Variants in MDH1B observed in about 807,000 individuals in gnomAD.
MDH1B encodes putative malate dehydrogenase 1B.
A neutral mutation model predicts 61.4 loss-of-function variants in MDH1B; 60 were observed. The observed-to-expected ratio is 0.98, with a 90% CI of 0.79 to 1.21. The LOEUF (loss-of-function observed/expected upper bound fraction) is 1.21. Ranked by LOEUF, MDH1B falls within the 50% of genes most tolerant of loss-of-function variation. The pLI, the probability that MDH1B is intolerant of heterozygous loss-of-function variation, is 0.00. For missense variants in MDH1B, 587 were observed against 632.1 expected, an observed-to-expected ratio of 0.93 and a Z score of 0.76; for synonymous variants, 236 against 218.7, an observed-to-expected ratio of 1.08 and a Z score of -0.70.
chr2:206,756,591 A>T, intron 4 of MDH1B: 1 of 284,142 alleles, frequency 3.5e-6, no homozygotes, highest in Non-Finnish European at 6.6e-6. Flanking sequence ...AGCACGTGGG[A>T]AAGAGGGAGA....
chr2:206,751,848 T>C (rs913101805), intron 5 of MDH1B, among the ~76,000 whole-genome samples: 1 of 152,214 alleles, frequency 6.6e-6, no homozygotes, highest in African/African-American at 2.4e-5. Flanking sequence ...AAACTTTAAA[T>C]AAATAATTTT....
intron 5 of MDH1B, among the ~76,000 whole-genome samples, chr2:206,752,261 C>T (rs1289898587): frequency 6.6e-6 from 1 of 152,174 alleles, no homozygotes; most frequent in African/African-American, 2.4e-5. Context: ...GTGAAATATT[C>T]TTCCCAGGGG....
chr2:206,750,827 A>T lies in MDH1B; in HGVS notation c.1052+107T>A, dbSNP rs181941447. On this transcript the variant is annotated intron_variant, in intron 6 of 11. Transcript: ENST00000374412. ...GCATGAACAAATATGAGTGTGAACA[A>T]TGCAAGTTATTTTTGTACAAAGATT... 1,125 of 983,942 alleles carry T rather than the reference A, an allele frequency of 1.1e-3. 2 individuals carry two copies. Among genetic ancestry groups the T allele is most frequent in the Non-Finnish European group, 1.2e-3 (875 of 719,224 alleles). The allele number at this position is 983,942 out of a possible 1,614,324, so 61.0% of individuals were successfully genotyped here.
At chr2:206,738,651 A>G in intron 11 of MDH1B, 140 bp from the exon 12 acceptor site, 2 of 547,224 alleles carry the variant, frequency 3.7e-6, no homozygotes, top group East Asian at 6.1e-5. Flanking sequence ...GAGTGATTCT[A>G]TGGGGAAATA....
chr2:206,752,871 T>C (rs996008276), intron 5 of MDH1B, among the ~76,000 whole-genome samples: 1 of 151,672 alleles, frequency 6.6e-6, no homozygotes, highest in African/African-American at 2.4e-5. Flanking sequence ...TCCCTATCTG[T>C]CGGGTGGGAC....
At position 206,741,101 on chromosome 2, in the gene MDH1B, T is replaced by C. The variant is rs758836144; in HGVS notation, c.1412A>G (p.His471Arg). The C allele has an allele frequency of 4.3e-6, 7 of 1,612,620 alleles. No individual in the cohort carries two copies. Among genetic ancestry groups the C allele is most frequent in the Non-Finnish European group, 5.9e-6 (7 of 1,179,088 alleles). Residue 471 changes from histidine to arginine, a missense_variant, in exon 10 of 12, where the codon CAT becomes CGT. By Grantham distance (29) the His-to-Arg change is conservative. Transcript: ENST00000374412. ...KIHFQPYQSG[H>R]KDLVPDEEKN... ...TTCTTCATCAGGGACCAGATCTTTATGTCCTGAAATCAAAATTAAATAAAA... is the reference window on the plus strand; with the variant it reads ...TTCTTCATCAGGGACCAGATCTTTACGTCCTGAAATCAAAATTAAATAAAA...
intron 9 of MDH1B, among the ~76,000 whole-genome samples, chr2:206,744,273 G>A (rs1443327236): frequency 2.0e-5 from 3 of 152,192 alleles, no homozygotes; most frequent in Non-Finnish European, 4.4e-5. Flanking sequence ...CCTCTTGATG[G>A]ACTGCAGGTT....
At chr2:206,757,162 GA>G in intron 3 of MDH1B, 74 bp downstream of exon 3, 1 of 1,530,626 alleles carries the variant, frequency 6.5e-7, no homozygotes, top group South Asian at 1.2e-5. Context: ...GAATGTCTCA[GA>G]AAGCAAGATA....
In MDH1B at chr2:206,756,973, C is replaced by A. The variant is rs779016399; in HGVS notation, c.338G>T (p.Gly113Val). 1.2e-5 allele frequency: 20 copies of A among 1,613,990 alleles called. No individual in the cohort carries two copies. The highest frequency in any genetic ancestry group is 1.7e-5 in the Non-Finnish European group (20 of 1,179,970). ...CTCCTGCTCTTTTTCTATATGTGCC[C>A]CCAGGTTCTCTTGAGCAATTACCAT... is the stretch of plus-strand genomic sequence containing the variant. ...LMMVIAQENL[G>V]AHIEKEQEEE... The change falls in exon 4 of 12, where the codon GGG becomes GTG. Residue 113 changes from glycine (G) to valine (V), a missense_variant. By Grantham distance (109) the Gly-to-Val change is moderately radical. Transcript: ENST00000374412.
At chr2:206,761,070 T>A in intron 1 of MDH1B, 57 bp from the exon 2 acceptor site, 1 of 899,350 alleles carries the variant, frequency 1.1e-6, no homozygotes, top group Non-Finnish European at 1.8e-6. Flanking sequence ...TATTATGTAG[T>A]TCTAAGTATT....
At chr2:206,747,353 A>T (rs1395948325) in intron 7 of MDH1B, among the ~76,000 whole-genome samples, 1 of 152,192 alleles carries the variant, frequency 6.6e-6, no homozygotes, top group Non-Finnish European at 1.5e-5. Flanking sequence ...AGAGACAGAT[A>T]ATGATCATTT....
chr2:206,747,713 A>G (rs1688197960), intron 7 of MDH1B, among the ~76,000 whole-genome samples: 1 of 152,222 alleles, frequency 6.6e-6, no homozygotes, highest in Non-Finnish European at 1.5e-5. Flanking sequence ...ACAAAATGCT[A>G]TGTGGGGATA....
intron 9 of MDH1B, among the ~76,000 whole-genome samples, chr2:206,742,936 C>G (rs188408762): frequency 6.6e-6 from 1 of 151,956 alleles, no homozygotes; most frequent in Non-Finnish European, 1.5e-5. Context: ...AGGATGGTCT[C>G]GATCTCCTGA....
chr2:206,752,715 A>G lies in MDH1B; in HGVS notation c.911-1640T>C, dbSNP rs148207440. Among the ~76,000 whole-genome samples the G allele has an allele frequency of 4.2e-3, 645 of 151,914 alleles. 2 individuals carry two copies. The highest frequency in any genetic ancestry group is 7.1e-3 in the Non-Finnish European group (481 of 67,988). ...CAGCTTTGAGGCCCTTGATAGCTCT[A>G]AACATCCCAAATTATGCTACAGAGA... On this transcript the variant is annotated intron_variant, in intron 5 of 11. Transcript: ENST00000374412.
At chr2:206,747,197 G>A (rs897204966) in intron 7 of MDH1B, among the ~76,000 whole-genome samples, 1 of 151,988 alleles carries the variant, frequency 6.6e-6, no homozygotes, top group Non-Finnish European at 1.5e-5. Context: ...AAAACATTGA[G>A]GACATTCGAG....
rs1688823775 is a variant in MDH1B at position 206,757,317 on chromosome 2, TAG to T, written c.188_189del (p.Pro63HisfsTer20). 2 of 1,613,926 alleles carry T rather than the reference TAG, an allele frequency of 1.2e-6. No homozygotes were observed. The highest frequency in any genetic ancestry group is 2.7e-5 in the African/African-American group (2 of 75,032). On this transcript the variant is annotated frameshift_variant, in exon 3 of 12. Coordinates refer to ENST00000374412, the MANE Select transcript of MDH1B (RefSeq NM_001039845.3). LOFTEE classifies it high-confidence loss of function. ...CGATCCAACAGCTCTCTCCAGATGA[TAG>T]GGGAATTCTTGTGACTCCACTTATT... ...EKNKWSHKNS[P>X]IIWRELLDRG...
At chr2:206,761,097 A>G (rs938664329) in intron 1 of MDH1B, 84 bp from the exon 2 acceptor site, 1 of 706,516 alleles carries the variant, frequency 1.4e-6, no homozygotes, top group Non-Finnish European at 2.4e-6. Flanking sequence ...GTAATTACAG[A>G]ATTAGTCATA....
intron 7 of MDH1B, among the ~76,000 whole-genome samples, chr2:206,748,135 C>T (rs1352828943): frequency 6.6e-6 from 1 of 152,216 alleles, no homozygotes; most frequent in Non-Finnish European, 1.5e-5. Context: ...AACCCCAGCA[C>T]TTTGGGAGGC....
At chr2:206,759,846 C>T (rs547201455) in intron 2 of MDH1B, among the ~76,000 whole-genome samples, 3 of 152,266 alleles carry the variant, frequency 2.0e-5, no homozygotes, top group Middle Eastern at 3.4e-3. Context: ...AGAAGCACTA[C>T]CAACCCAGCA....
Sources: gnomAD v4.1 joint callset for allele counts (sites outside exome capture counted in the v4.1 genomes callset) on GRCh38, gnomAD v4.1.1 for gene constraint, MANE v1.5 for transcripts, NCBI Gene and HGNC (gene_info 2026-07-23, HGNC 2026-07-21) for gene names.